DGCR8: variants seen among roughly 807,000 people sequenced by gnomAD.
The protein encoded by DGCR8 is DGCR8 microprocessor complex subunit, also known as microprocessor complex subunit DGCR8.
A neutral mutation model predicts 78.5 loss-of-function variants in DGCR8; 14 were observed. The observed-to-expected ratio is 0.18, with a 90% CI of 0.12 to 0.28. DGCR8 has a LOEUF of 0.28. Ranked by LOEUF, DGCR8 falls within the 10% of genes least tolerant of loss-of-function variation. DGCR8 has a pLI of 1.00. For synonymous variants in DGCR8, 399 were observed against 402.4 expected (o/e 0.99, Z 0.10); for missense variants, 702 against 1,022.5 (o/e 0.69, Z 4.28).
rs1321242334 is a variant in DGCR8 at position 20,111,654 on chromosome 22, G to T, written c.*1546G>T. On this transcript the variant is annotated 3_prime_UTR_variant, in exon 14 of 14. Transcript: ENST00000351989. ...TTGGGGAGCCTCGCTGTGTCTTGCT[G>T]TTCCCAGGCACCACCACAGCAGGTG... 1.3e-5 allele frequency: 4 copies of T among 298,276 alleles called. No individual in the cohort carries two copies. The highest frequency in any genetic ancestry group is 2.3e-5 in the African/African-American group (1 of 42,838). The allele number at this position is 298,276 out of a possible 1,614,324, so 18.5% of individuals were successfully genotyped here. A position where few individuals can be genotyped will look rare whatever the true frequency, so the allele number is the denominator to read the frequency against.
intron 13 of DGCR8, among the ~76,000 whole-genome samples, chr22:20,109,364 C>T (rs886776407): frequency 6.6e-5 from 10 of 152,096 alleles, no homozygotes; most frequent in Non-Finnish European, 1.5e-4. Flanking sequence ...CCTAAAGCCA[C>T]CTTGGGAACC....
intron 11 of DGCR8, 169 bp downstream of exon 11, chr22:20,106,867 C>T (rs548387572): frequency 8.2e-6 from 5 of 612,700 alleles, no homozygotes; most frequent in South Asian, 7.5e-5. Flanking sequence ...GCCGTCCTGC[C>T]TGCACTTTCC....
intron 8 of DGCR8, among the ~76,000 whole-genome samples, 157 bp from the exon 9 acceptor site, chr22:20,094,556 C>T (rs2049604800): frequency 6.6e-6 from 1 of 152,352 alleles, no homozygotes; most frequent in African/African-American, 2.4e-5. Flanking sequence ...TCCTTCTGTC[C>T]TCTCCTGACC....
chr22:20,108,620 A>G (rs1000419308), intron 12 of DGCR8: 6 of 351,092 alleles, frequency 1.7e-5, no homozygotes, highest in Middle Eastern at 9.4e-4. Context: ...TACTCTGCCC[A>G]TGGCAGGAGG....
At chr22:20,083,366 G>GGTGTGT (rs142817386) in intron 1 of DGCR8, among the ~76,000 whole-genome samples, 40 of 149,544 alleles carry the variant, frequency 2.7e-4, no homozygotes, top group South Asian at 8.6e-4. Context: ...CATCTAGGAT[G>GGTGTGT]GTGTGTGTGT....
At chr22:20,095,672 TG>T (rs1320489992) in intron 9 of DGCR8, among the ~76,000 whole-genome samples, 2 of 152,138 alleles carry the variant, frequency 1.3e-5, no homozygotes, top group Non-Finnish European at 1.5e-5. Context: ...CAGACGGTGT[TG>T]GGGGGCGGGG....
intron 1 of DGCR8, among the ~76,000 whole-genome samples, chr22:20,082,790 A>C (rs1299814745): frequency 6.6e-6 from 1 of 152,194 alleles, no homozygotes; most frequent in East Asian, 1.9e-4. Context: ...ATGTGGGTGA[A>C]CCTTTCTTCC....
intron 9 of DGCR8, among the ~76,000 whole-genome samples, chr22:20,099,519 C>T (rs1273760851): frequency 2.0e-5 from 3 of 152,168 alleles, no homozygotes; most frequent in Non-Finnish European, 4.4e-5. Context: ...TGAGTGGCTA[C>T]CACTGAGCTG....
chr22:20,101,508 G>A (rs2049701103), intron 9 of DGCR8: 1 of 891,348 alleles, frequency 1.1e-6, no homozygotes, highest in Admixed American at 6.2e-5. Context: ...AACCCAGGAG[G>A]CGGAGCTTGC....
At chr22:20,080,436 C>T (rs981773575) in intron 1 of DGCR8, 53 bp downstream of exon 1, 11 of 979,278 alleles carry the variant, frequency 1.1e-5, no homozygotes, top group Non-Finnish European at 1.3e-5. Context: ...GCGCCGCGGC[C>T]TGCGCGAGGG....
At chr22:20,092,082 A>G (rs2049571856) in intron 7 of DGCR8, 112 bp downstream of exon 7, 2 of 811,750 alleles carry the variant, frequency 2.5e-6, no homozygotes, top group Non-Finnish European at 4.0e-6. Context: ...ACGGGAGGAA[A>G]GGGAAGGGTA....
rs1023414149 is a variant in DGCR8, at chr22:20,086,985, G to T, written c.721-177G>T. ...GTGTGCCCCTGGACCAGGTGTGTTG[G>T]TGTCAGCTGGTAGCTTCATCCTGTT... is the stretch of plus-strand genomic sequence containing the variant. On this transcript the variant is annotated intron_variant, in intron 2 of 13. Transcript: ENST00000351989. This position sits in a 1 kb window ranked among gnomAD's most constrained non-coding sequence, Gnocchi z 6.4. The T allele has an allele frequency of 3.5e-6, 3 of 846,748 alleles. No homozygotes were observed. Among genetic ancestry groups the T allele is most frequent in the African/African-American group, 1.7e-5 (1 of 58,808 alleles). 52.5% of individuals were successfully genotyped at this position (846,748 alleles called of 1,614,324 possible). A position where few individuals can be genotyped will look rare whatever the true frequency, so the allele number is the denominator to read the frequency against.
intron 9 of DGCR8, among the ~76,000 whole-genome samples, chr22:20,104,650 T>G (rs2049748978): frequency 6.6e-6 from 1 of 152,248 alleles, no homozygotes; most frequent in African/African-American, 2.4e-5. Context: ...CAGGGCCTGA[T>G]GTCTTGGTGA....
At chr22:20,091,250 G>A (rs890715469) in intron 5 of DGCR8, among the ~76,000 whole-genome samples, 185 bp from the exon 6 acceptor site, 1 of 152,180 alleles carries the variant, frequency 6.6e-6, no homozygotes, top group African/African-American at 2.4e-5. Context: ...CATCCAGAAG[G>A]GACCTGCCAG....
intron 13 of DGCR8, 31 bp downstream of exon 13, chr22:20,109,034 G>C: frequency 8.4e-7 from 1 of 1,186,866 alleles, no homozygotes; most frequent in Non-Finnish European, 1.3e-6. Context: ...AGGGCTGCCG[G>C]GCCACGGCCA....
chr22:20,086,646 A>G lies in DGCR8; in HGVS notation c.683A>G (p.Asp228Gly). The G allele has an allele frequency of 3.1e-6, 5 of 1,610,888 alleles. No homozygotes were observed. Among genetic ancestry groups the G allele is most frequent in the Non-Finnish European group, 4.2e-6 (5 of 1,179,866 alleles). ...GFTAKAIVQR[D>G]RVDEEALNFP... ...ACGGCTAAAGCAATCGTTCAGAGAGACAGAGTGGATGAAGAGGCCTTGAAT... is the reference window on the plus strand; with the variant it reads ...ACGGCTAAAGCAATCGTTCAGAGAGGCAGAGTGGATGAAGAGGCCTTGAAT... The change falls in exon 2 of 14, where the codon GAC (aspartate) becomes GGC (glycine). Residue 228 changes from aspartate to glycine, a missense_variant. Asp to Gly is a moderately conservative substitution (Grantham distance 94, BLOSUM62 -1). Transcript: ENST00000351989. The surrounding 1 kb of genome is among the most constrained non-coding windows in gnomAD (Gnocchi z 6.4).
In DGCR8 at chr22:20,085,212, A is replaced by C. The variant is rs966669560; in HGVS notation, c.-277-475A>C. Reference sequence around the variant, plus strand: ...GCCTGGCCATGCCTCTGAGGCCCCTAGTGCCGCAGAGTTGAGCTGAGGGTC... The same window carrying C: ...GCCTGGCCATGCCTCTGAGGCCCCTCGTGCCGCAGAGTTGAGCTGAGGGTC... On this transcript the variant is annotated intron_variant, in intron 1 of 13. Transcript: ENST00000351989. This position sits in a 1 kb window ranked among gnomAD's most constrained non-coding sequence, Gnocchi z 6.2. 5.9e-5 allele frequency among the ~76,000 whole-genome samples: 9 copies of C among 152,082 alleles called. No homozygotes were observed. The highest frequency in any genetic ancestry group is 1.3e-4 in the Non-Finnish European group (9 of 68,006).
intron 3 of DGCR8, among the ~76,000 whole-genome samples, chr22:20,088,951 T>C (rs2074220202): frequency 6.6e-6 from 1 of 152,192 alleles, no homozygotes. Flanking sequence ...CCTGGATAAT[T>C]TTAAAAAGTT....
At chr22:20,103,765 A>G (rs1357980998) in intron 9 of DGCR8, among the ~76,000 whole-genome samples, 1 of 152,162 alleles carries the variant, frequency 6.6e-6, no homozygotes, top group Non-Finnish European at 1.5e-5. Flanking sequence ...GAGTTTTCCT[A>G]ATGGGAAAGT....
Sources: allele counts gnomAD v4.1 joint callset (sites outside exome capture counted in the v4.1 genomes callset), GRCh38; gene constraint gnomAD v4.1.1; non-coding constraint Gnocchi (gnomAD v3.1); transcripts MANE v1.5; gene names NCBI Gene and HGNC (gene_info 2026-07-23, HGNC 2026-07-21).